INPP4B: variants seen among roughly 807,000 people sequenced by gnomAD.
INPP4B encodes inositol polyphosphate 4-phosphatase type II.
A neutral mutation model predicts 122.5 loss-of-function variants in INPP4B; 55 were observed. The observed-to-expected ratio is 0.45, with a 90% CI of 0.36 to 0.56. The LOEUF (loss-of-function observed/expected upper bound fraction) is 0.56, where lower values mean the gene tolerates loss of function less well. INPP4B is among the 20% of genes least tolerant of loss of function. INPP4B has a pLI of 0.00. For missense variants in INPP4B, 1,000 were observed against 1,097.7 expected (o/e 0.91, Z 1.26); for synonymous variants, 403 against 388.7 (o/e 1.04, Z -0.43).
intron 12 of INPP4B, among the ~76,000 whole-genome samples, chr4:142,230,979 C>T (rs761122876): frequency 4.6e-5 from 7 of 151,550 alleles, no homozygotes; most frequent in African/African-American, 7.3e-5. Context: ...AACACTTCAC[C>T]GCCAATTCAA....
chr4:142,432,503 C>A (rs1809541423), intron 3 of INPP4B, among the ~76,000 whole-genome samples: 1 of 152,054 alleles, frequency 6.6e-6, no homozygotes, highest in Admixed American at 6.6e-5. Flanking sequence ...GGGTAGAAGG[C>A]TATTGCACCA....
intron 1 of INPP4B, among the ~76,000 whole-genome samples, chr4:142,788,063 A>T (rs1319443387): frequency 6.6e-6 from 1 of 152,068 alleles, no homozygotes; most frequent in Non-Finnish European, 1.5e-5. Flanking sequence ...CAGCTTATAA[A>T]ATATAGACAT....
At chr4:142,706,759 T>A (rs944182609) in intron 2 of INPP4B, among the ~76,000 whole-genome samples, 10 of 152,236 alleles carry the variant, frequency 6.6e-5, no homozygotes, top group Non-Finnish European at 1.5e-4. Context: ...TTATACACTA[T>A]GCATTTGCTG....
At chr4:142,831,359 A>C (rs922939945) in intron 1 of INPP4B, among the ~76,000 whole-genome samples, 1 of 152,242 alleles carries the variant, frequency 6.6e-6, no homozygotes, top group Admixed American at 6.5e-5. Flanking sequence ...TTGACTGTAC[A>C]GAAGTCTTCA....
intron 7 of INPP4B, among the ~76,000 whole-genome samples, chr4:142,349,463 T>G (rs1258772771): frequency 6.6e-6 from 1 of 151,996 alleles, no homozygotes; most frequent in Non-Finnish European, 1.5e-5. Flanking sequence ...AGAATCAAAG[T>G]CCAACCACTC....
intron 10 of INPP4B, among the ~76,000 whole-genome samples, chr4:142,264,353 TGA>T (rs1423771862): frequency 6.6e-6 from 1 of 152,186 alleles, no homozygotes; most frequent in African/African-American, 2.4e-5. Context: ...TGTGAGTTTA[TGA>T]GAGGCAGAAA....
At chr4:142,259,736 CTT>C (rs1419809150) in intron 11 of INPP4B, among the ~76,000 whole-genome samples, 3 of 151,644 alleles carry the variant, frequency 2.0e-5, no homozygotes, top group African/African-American at 7.3e-5. Flanking sequence ...AGTATTTTTT[CTT>C]GTTTCCTTAT....
At chr4:142,722,087 T>C (rs1764762583) in intron 2 of INPP4B, among the ~76,000 whole-genome samples, 1 of 152,132 alleles carries the variant, frequency 6.6e-6, no homozygotes, top group Non-Finnish European at 1.5e-5. Flanking sequence ...CACCTTTATA[T>C]ATGATATCAA....
chr4:142,585,846 TTTATTATTATTA>T (rs59890158), intron 2 of INPP4B, among the ~76,000 whole-genome samples: 6 of 144,608 alleles, frequency 4.1e-5, no homozygotes, highest in East Asian at 4.1e-4. Flanking sequence ...CACTAAACAC[TTTATTATTATTA>T]TTATTATTAT....
intron 2 of INPP4B, among the ~76,000 whole-genome samples, chr4:142,653,494 C>A (rs1030121755): frequency 3.9e-5 from 6 of 152,064 alleles, no homozygotes; most frequent in Admixed American, 1.3e-4. Flanking sequence ...GGCTAATATC[C>A]AGAATCTACA....
At chr4:142,260,437 T>A in intron 11 of INPP4B, 55 bp downstream of exon 11, 2 of 1,105,108 alleles carry the variant, frequency 1.8e-6, no homozygotes, top group Non-Finnish European at 2.8e-6. Flanking sequence ...TGATTTTACA[T>A]AAAATTAAAA....
intron 15 of INPP4B, among the ~76,000 whole-genome samples, chr4:142,180,423 C>T (rs568156807): frequency 1.3e-5 from 2 of 152,192 alleles, no homozygotes; most frequent in African/African-American, 2.4e-5. Context: ...ATATTTTATA[C>T]TGTATTTATC....
chr4:142,452,982 C>G (rs1814638353), intron 3 of INPP4B, among the ~76,000 whole-genome samples: 1 of 152,164 alleles, frequency 6.6e-6, no homozygotes, highest in Non-Finnish European at 1.5e-5. Context: ...GTGCCTTTCT[C>G]TGACATCTTC....
chr4:142,564,329 A>G (rs911455327), intron 2 of INPP4B, among the ~76,000 whole-genome samples: 20 of 151,926 alleles, frequency 1.3e-4, no homozygotes, highest in Admixed American at 4.6e-4. Flanking sequence ...AAGGTGGGAC[A>G]GTTATGTCAG....
chr4:142,701,656 A>T (rs1042374069), intron 2 of INPP4B, among the ~76,000 whole-genome samples: 2 of 152,158 alleles, frequency 1.3e-5, no homozygotes, highest in African/African-American at 4.8e-5. Flanking sequence ...TTCTTCTACT[A>T]GATACCTTCC....
chr4:142,429,634 A>G (rs1328451225), intron 4 of INPP4B, among the ~76,000 whole-genome samples: 1 of 152,090 alleles, frequency 6.6e-6, no homozygotes, highest in African/African-American at 2.4e-5. Flanking sequence ...ACAGTAAATC[A>G]GTAACAAAAG....
intron 14 of INPP4B, among the ~76,000 whole-genome samples, chr4:142,195,670 T>C (rs544543933): frequency 3.3e-5 from 5 of 152,270 alleles, no homozygotes; most frequent in Admixed American, 1.3e-4. Flanking sequence ...TATTCTCACT[T>C]CAACTTCCCC....
intron 23 of INPP4B, among the ~76,000 whole-genome samples, chr4:142,093,802 C>T (rs1780628700): frequency 6.6e-6 from 1 of 152,122 alleles, no homozygotes; most frequent in Non-Finnish European, 1.5e-5. Flanking sequence ...ATGTCAAGAT[C>T]CCATCCTGGT....
At position 142,086,272 on chromosome 4, in the gene INPP4B, C is replaced by T; in HGVS notation, c.2375-16G>A. The T allele has an allele frequency of 7.6e-7, 1 of 1,311,256 alleles. No homozygotes were observed. Among genetic ancestry groups the T allele is most frequent in the Non-Finnish European group, 1.1e-6 (1 of 906,914 alleles). The allele number at this position is 1,311,256 out of a possible 1,614,324, so 81.2% of individuals were successfully genotyped here. The stretch of plus-strand genomic sequence containing the variant: ...TGTGAAATATCTGAAGGGGAAAAAA[C>T]AAAGGAGAAAAATAAAATGAGACAG... On this transcript the variant is annotated splice_polypyrimidine_tract_variant and intron_variant, in intron 23 of 25. Transcript: ENST00000262992.
Sources: gnomAD v4.1 joint callset for allele counts (sites outside exome capture counted in the v4.1 genomes callset) on GRCh38, gnomAD v4.1.1 for gene constraint, MANE v1.5 for transcripts, NCBI Gene and HGNC (gene_info 2026-07-23, HGNC 2026-07-21) for gene names.